Variants in PLK1 observed in about 807,000 individuals in gnomAD.
PLK1 encodes the protein polo like kinase 1.
Under a neutral mutation model 56.7 loss-of-function variants are expected in PLK1, and 6 were observed. That is an observed-to-expected ratio of 0.11 (90% CI 0.06 to 0.21). The LOEUF is 0.21. Ranked by LOEUF, PLK1 falls within the 10% of genes least tolerant of loss-of-function variation. The pLI, the probability that PLK1 is intolerant of heterozygous loss-of-function variation, is 1.00. For synonymous variants in PLK1, 298 were observed against 325.0 expected, an observed-to-expected ratio of 0.92 and a Z score of 0.89; for missense variants, 546 against 814.4, an observed-to-expected ratio of 0.67 and a Z score of 4.01.
intron 2 of PLK1, 75 bp from the exon 3 acceptor site, chr16:23,680,839 C>A (rs1341853464): frequency 5.5e-6 from 8 of 1,450,848 alleles, no homozygotes; most frequent in Non-Finnish European, 7.5e-6. Context: ...GATGGTCAAA[C>A]CTTAACTAGC....
At chr16:23,687,430 G>C (rs372136074) in intron 5 of PLK1, 39 bp from the exon 6 acceptor site, 1 of 1,494,980 alleles carries the variant, frequency 6.7e-7, no homozygotes, top group South Asian at 1.3e-5. Context: ...GGGGAGTCCC[G>C]TGCCCTTCCC....
At chr16:23,683,125 G>A (rs1196046410) in intron 4 of PLK1, among the ~76,000 whole-genome samples, 1 of 151,518 alleles carries the variant, frequency 6.6e-6, no homozygotes, top group Non-Finnish European at 1.5e-5. Context: ...TGAGTAGCTG[G>A]AACTACAGGC....
intron 4 of PLK1, among the ~76,000 whole-genome samples, chr16:23,683,471 G>A (rs1959373635): frequency 6.6e-6 from 1 of 152,168 alleles, no homozygotes; most frequent in Admixed American, 6.5e-5. Flanking sequence ...GTCAGAGACA[G>A]CATGGAATCA....
In PLK1 at chr16:23,679,207, C is replaced by A; in HGVS notation, c.275C>A (p.Pro92Gln). 3 of 1,614,120 alleles carry A rather than the reference C, an allele frequency of 1.9e-6. No homozygotes were observed. Among genetic ancestry groups the A allele is most frequent in the Non-Finnish European group, 2.5e-6 (3 of 1,180,008 alleles). The change falls in exon 1 of 10, where the codon CCG (proline) becomes CAG (glutamine). Residue 92 changes from proline to glutamine, a missense_variant. By Grantham distance (76) the Pro-to-Gln change is moderately conservative. Transcript: ENST00000300093. Reference protein sequence around the residue: ...KIVPKSLLLKPHQREKMSMEI... With the variant: ...KIVPKSLLLKQHQREKMSMEI... ...GTGCCTAAGTCTCTGCTGCTCAAGC[C>A]GCACCAGAGGGAGAAGATGTCCATG...
In PLK1 at chr16:23,690,225, T is replaced by C. The variant is rs1959527195; in HGVS notation, c.*162T>C. 1 of 634,514 alleles carries C rather than the reference T, an allele frequency of 1.6e-6. No homozygotes were observed. Among genetic ancestry groups the C allele is most frequent in the Non-Finnish European group, 2.8e-6 (1 of 353,798 alleles). The allele number at this position is 634,514 out of a possible 1,614,324, so 39.3% of individuals were successfully genotyped here. Reference sequence around the variant, plus strand: ...CAGGTGGGGGTTGCTGTATAAGTTATTTTTGTACATGTTCGGGTGTGGGTT... The same window carrying C: ...CAGGTGGGGGTTGCTGTATAAGTTACTTTTGTACATGTTCGGGTGTGGGTT... On this transcript the variant is annotated 3_prime_UTR_variant, in exon 10 of 10. Transcript: ENST00000300093.
intron 6 of PLK1, 75 bp downstream of exon 6, chr16:23,687,699 C>A: frequency 8.7e-7 from 1 of 1,150,562 alleles, no homozygotes; most frequent in Non-Finnish European, 1.2e-6. Context: ...GCTTGGCCAA[C>A]AAAGCACTGG....
chr16:23,686,916 G>C (rs1374412746), intron 5 of PLK1: 1 of 152,156 alleles, frequency 6.6e-6, no homozygotes, highest in African/African-American at 2.4e-5. Flanking sequence ...AGCACATGGT[G>C]GTGGGGGAAT....
chr16:23,689,339 G>A lies in PLK1; in HGVS notation c.1372G>A (p.Gly458Ser), dbSNP rs369087739. 1.3e-5 allele frequency: 21 copies of A among 1,613,748 alleles called. No individual in the cohort carries two copies. The African/African-American group carries it at 1.7e-4, about 13-fold the overall frequency. ...GDSLQYIERD[G>S]TESYLTVSSH... The stretch of plus-strand genomic sequence containing the variant: ...CAGCCTGCAGTACATAGAGCGTGAC[G>A]GCACTGAGTCCTACCTCACCGTGAG... Residue 458 changes from glycine to serine, a missense_variant, in exon 8 of 10, where the codon GGC (glycine) becomes AGC (serine). Gly to Ser is a moderately conservative substitution (Grantham distance 56). Coordinates refer to ENST00000300093, the MANE Select transcript of PLK1 (RefSeq NM_005030.6). The surrounding 1 kb of genome is among the most constrained non-coding windows in gnomAD (Gnocchi z 4.8).
chr16:23,679,798 C>T (rs1959302963), intron 1 of PLK1: 1 of 332,254 alleles, frequency 3.0e-6, no homozygotes, highest in East Asian at 5.1e-5. Context: ...CTCGGAGCTT[C>T]CGGAGTGGGG....
intron 3 of PLK1, among the ~76,000 whole-genome samples, chr16:23,681,556 G>A (rs562698530): frequency 9.2e-5 from 14 of 152,202 alleles, no homozygotes; most frequent in Admixed American, 2.6e-4. Flanking sequence ...CATCAGCAGC[G>A]GTTGGTGGCA....
At chr16:23,685,446 T>G (rs1959410583) in intron 5 of PLK1, among the ~76,000 whole-genome samples, 1 of 152,104 alleles carries the variant, frequency 6.6e-6, no homozygotes, top group East Asian at 1.9e-4. Flanking sequence ...ACCCAGCTAA[T>G]TAAAAAATTT....
intron 4 of PLK1, among the ~76,000 whole-genome samples, chr16:23,682,985 CTTTTTTTT>C (rs1031796646): frequency 3.3e-5 from 3 of 91,502 alleles, no homozygotes; most frequent in African/African-American, 8.1e-5. Context: ...TGTGCATTTT[CTTTTTTTT>C]TTTTTTTTTT....
In PLK1 at chr16:23,689,985, C is replaced by T; in HGVS notation, c.1734C>T (p.Ser578=). The T allele has an allele frequency of 6.2e-7, 1 of 1,613,826 alleles. No homozygotes were observed. The highest frequency in any genetic ancestry group is 8.5e-7 in the Non-Finnish European group (1 of 1,180,010). ...ACGGCTGCTGCAAGGAGCTGGCCAGCCGGCTCCGCTACGCCCGCACTATGG... is the reference window on the plus strand; with the variant it reads ...ACGGCTGCTGCAAGGAGCTGGCCAGTCGGCTCCGCTACGCCCGCACTATGG... ...EEYGCCKELA[S]RLRYARTMVD... is the part of the protein sequence containing the mutation. Residue 578 remains serine, a synonymous_variant, in exon 10 of 10, where the codon AGC becomes AGT. Transcript: ENST00000300093. The surrounding 1 kb of genome is among the most constrained non-coding windows in gnomAD (Gnocchi z 4.8).
chr16:23,687,824 A>G (rs760918167), intron 6 of PLK1, 200 bp downstream of exon 6: 5 of 391,338 alleles, frequency 1.3e-5, no homozygotes, highest in African/African-American at 2.1e-5. Flanking sequence ...TTACTCTAGC[A>G]CCTCGATGTG....
chr16:23,689,928 C>A lies in PLK1; in HGVS notation c.1677C>A (p.Phe559Leu). 2.5e-6 allele frequency: 4 copies of A among 1,614,122 alleles called. No homozygotes were observed. In the South Asian group the frequency reaches 3.3e-5, roughly 13 times the overall value. Residue 559 changes from phenylalanine (F) to leucine (L), a missense_variant, in exon 10 of 10, where the codon TTC becomes TTA. This residue lies in a region of PLK1 where 72 missense variants were observed against 77.9 expected (regional missense o/e 0.92). Transcript: ENST00000300093. This position sits in a 1 kb window ranked among gnomAD's most constrained non-coding sequence, Gnocchi z 4.8. Reference protein sequence around the residue: ...AVTYIDEKRDFRTYRLSLLEE... With the variant: ...AVTYIDEKRDLRTYRLSLLEE... ...CCTACATCGACGAGAAGCGGGACTT[C>A]CGCACATACCGCCTGAGTCTCCTGG... is the stretch of plus-strand genomic sequence containing the variant.
intron 4 of PLK1, among the ~76,000 whole-genome samples, chr16:23,683,030 G>A (rs1332918737): frequency 1.6e-4 from 19 of 121,214 alleles, no homozygotes; most frequent in Non-Finnish European, 1.3e-4. Context: ...TCGCTCTGTC[G>A]CCCAGGCTGG....
intron 4 of PLK1, 140 bp from the exon 5 acceptor site, chr16:23,683,730 C>A: frequency 1.4e-6 from 1 of 716,306 alleles, no homozygotes; most frequent in Admixed American, 1.9e-5. Flanking sequence ...GGCATTGAAC[C>A]AAGTTGTGAA....
chr16:23,683,716 A>G (rs568194700), intron 4 of PLK1, among the ~76,000 whole-genome samples, 154 bp from the exon 5 acceptor site: 1 of 152,224 alleles, frequency 6.6e-6, no homozygotes, highest in South Asian at 2.1e-4. Context: ...ACAGTGGAGA[A>G]CTTGGCATTG....
intron 5 of PLK1, among the ~76,000 whole-genome samples, chr16:23,686,603 C>T (rs1305829477): frequency 6.6e-6 from 1 of 152,158 alleles, no homozygotes; most frequent in Non-Finnish European, 1.5e-5. Flanking sequence ...AGTGACTCTC[C>T]CACCTCAGCC....
Sources: gnomAD v4.1 joint callset for allele counts (sites outside exome capture counted in the v4.1 genomes callset) on GRCh38, gnomAD v4.1.1 for gene constraint, gnomAD v4.1.1 regional missense constraint, Gnocchi (gnomAD v3.1) non-coding constraint, MANE v1.5 for transcripts, NCBI Gene and HGNC (gene_info 2026-07-23, HGNC 2026-07-21) for gene names.